The following TBXAS1 variants were observed in gnomAD, a reference collection of about 807,000 sequenced individuals.
TBXAS1 encodes thromboxane-A synthase.
Under a neutral mutation model 60.7 loss-of-function variants are expected in TBXAS1, and 48 were observed. That is an observed-to-expected ratio of 0.79 (90% CI 0.63 to 1.01). The LOEUF (loss-of-function observed/expected upper bound fraction) is 1.01, where lower values mean the gene tolerates loss of function less well. Ranked by LOEUF, TBXAS1 falls within the 50% of genes least tolerant of loss-of-function variation. The pLI is 0.00. For missense variants in TBXAS1, 685 were observed against 686.3 expected (o/e 1.00, Z 0.02); for synonymous variants, 287 against 269.7 (o/e 1.06, Z -0.63).
chr7:139,891,010 T>C (rs1202879841), intron 3 of TBXAS1, among the ~76,000 whole-genome samples: 1 of 152,098 alleles, frequency 6.6e-6, no homozygotes, highest in Non-Finnish European at 1.5e-5. Context: ...GTTTTTTCAT[T>C]TAGCACTGTG....
At chr7:139,788,249 A>C (rs950505992) in intron 4 of TBXAS1, among the ~76,000 whole-genome samples, 1 of 152,228 alleles carries the variant, frequency 6.6e-6, no homozygotes, top group Admixed American at 6.5e-5. Flanking sequence ...TGAAGATGCT[A>C]TGAGTCTGGA....
intron 10 of TBXAS1, 33 bp from the exon 11 acceptor site, chr7:140,015,690 C>T: frequency 6.2e-7 from 1 of 1,611,352 alleles, no homozygotes; most frequent in East Asian, 2.2e-5. Flanking sequence ...CATCTCTTCT[C>T]TGTATCCACC....
intron 4 of TBXAS1, among the ~76,000 whole-genome samples, chr7:139,912,806 C>G (rs951166998): frequency 6.6e-6 from 1 of 152,168 alleles, no homozygotes; most frequent in Non-Finnish European, 1.5e-5. Context: ...TCCTTGTCAT[C>G]GCAAGAGCTT....
chr7:139,987,359 C>A (rs1310201327), intron 9 of TBXAS1, among the ~76,000 whole-genome samples: 1 of 152,150 alleles, frequency 6.6e-6, no homozygotes, highest in Admixed American at 6.6e-5. Context: ...TTCCCCCAAC[C>A]AAGACGGGAG....
chr7:139,829,978 T>A (rs1454981384), intron 1 of TBXAS1, among the ~76,000 whole-genome samples: 3 of 152,122 alleles, frequency 2.0e-5, no homozygotes, highest in African/African-American at 7.2e-5. Context: ...AAGTGGTAGA[T>A]CTAATTTCTC....
intron 9 of TBXAS1, among the ~76,000 whole-genome samples, chr7:139,974,445 C>T (rs998592088): frequency 3.3e-5 from 5 of 152,108 alleles, no homozygotes; most frequent in African/African-American, 1.2e-4. Context: ...TCCCACCAAG[C>T]GAGAAGGTGG....
In TBXAS1 at chr7:140,017,723, G is replaced by C. The variant is rs149988492; in HGVS notation, c.1417G>C (p.Gly473Arg). The change falls in exon 12 of 13, where the codon GGG (glycine) becomes CGG (arginine). Residue 473 changes from glycine (G) to arginine (R), a missense_variant. Physicochemically the swap from Gly to Arg is moderately radical, Grantham distance 125 (BLOSUM62 -2). Transcript: ENST00000448866. ...CCGGCCCTTCACGTACCTGCCCTTC[G>C]GGGCCGGCCCACGGAGCTGCCTCGG... Reference protein sequence around the residue: ...QHRPFTYLPFGAGPRSCLGVR... With the variant: ...QHRPFTYLPFRAGPRSCLGVR... 6.2e-7 allele frequency: 1 copy of C among 1,613,946 alleles called. No homozygotes were observed. The highest frequency in any genetic ancestry group is 8.5e-7 in the Non-Finnish European group (1 of 1,179,938).
intron 1 of TBXAS1, among the ~76,000 whole-genome samples, chr7:139,849,442 T>A (rs1273549125): frequency 1.3e-5 from 2 of 150,604 alleles, no homozygotes; most frequent in Admixed American, 1.3e-4. Flanking sequence ...CAACAGATAG[T>A]GATGCAGAAT....
chr7:139,959,733 C>T (rs1810176022), intron 8 of TBXAS1, among the ~76,000 whole-genome samples: 1 of 152,152 alleles, frequency 6.6e-6, no homozygotes, highest in South Asian at 2.1e-4. Context: ...CATCATTACT[C>T]CTACACTACC....
At chr7:139,952,792 C>G in intron 5 of TBXAS1, 1 of 1,229,652 alleles carries the variant, frequency 8.1e-7, no homozygotes. Context: ...TCAAGGTTTT[C>G]CCAGTATTCG....
chr7:139,948,301 A>C (rs1808911129), intron 5 of TBXAS1, among the ~76,000 whole-genome samples: 1 of 152,088 alleles, frequency 6.6e-6, no homozygotes, highest in African/African-American at 2.4e-5. Flanking sequence ...CATGAGAGAG[A>C]GAGAGAGGGA....
At chr7:139,785,156 C>T (rs1228328331) in intron 3 of TBXAS1, among the ~76,000 whole-genome samples, 1 of 152,172 alleles carries the variant, frequency 6.6e-6, no homozygotes, top group Non-Finnish European at 1.5e-5. Context: ...AAGGAGGGAA[C>T]TAAGAAGAGA....
intron 1 of TBXAS1, among the ~76,000 whole-genome samples, chr7:139,833,296 G>A (rs551421059): frequency 2.2e-4 from 34 of 152,168 alleles, no homozygotes; most frequent in African/African-American, 7.5e-4. Flanking sequence ...GTAGAAAAAG[G>A]CATTTCATGC....
intron 5 of TBXAS1, among the ~76,000 whole-genome samples, chr7:139,947,406 G>T (rs927167389): frequency 7.2e-5 from 11 of 152,116 alleles, no homozygotes; most frequent in African/African-American, 2.7e-4. Context: ...ACACACTGAG[G>T]CCTGTTGGGG....
At chr7:139,850,328 T>C (rs1050824921) in intron 1 of TBXAS1, among the ~76,000 whole-genome samples, 3 of 152,182 alleles carry the variant, frequency 2.0e-5, no homozygotes, top group Non-Finnish European at 4.4e-5. Context: ...ATAGACTAGT[T>C]AGTGTAATAA....
intron 3 of TBXAS1, among the ~76,000 whole-genome samples, chr7:139,897,365 G>A (rs557834780): frequency 2.0e-5 from 3 of 151,862 alleles, no homozygotes; most frequent in African/African-American, 7.3e-5. Flanking sequence ...GCAGGCAGGC[G>A]GGGGGAATAA....
intron 9 of TBXAS1, among the ~76,000 whole-genome samples, chr7:139,985,748 GAGACCCA>G (rs2117553826): frequency 6.6e-6 from 1 of 152,338 alleles, no homozygotes; most frequent in East Asian, 1.9e-4. Flanking sequence ...CCCATAAGGT[GAGACCCA>G]CTATAGCATC....
intron 9 of TBXAS1, among the ~76,000 whole-genome samples, chr7:139,987,474 C>T (rs948486788): frequency 1.3e-5 from 2 of 152,276 alleles, no homozygotes; most frequent in Non-Finnish European, 2.9e-5. Flanking sequence ...GGGGACTGGA[C>T]GTGGCCCTTT....
intron 3 of TBXAS1, among the ~76,000 whole-genome samples, chr7:139,898,985 C>A (rs1804345382): frequency 6.6e-6 from 1 of 151,534 alleles, no homozygotes; most frequent in Admixed American, 6.6e-5. Flanking sequence ...TCTCGGGGGA[C>A]CAATCCAGTG....
Sources: allele counts gnomAD v4.1 joint callset (sites outside exome capture counted in the v4.1 genomes callset), GRCh38; gene constraint gnomAD v4.1.1; transcripts MANE v1.5; gene names NCBI Gene and HGNC (gene_info 2026-07-23, HGNC 2026-07-21).